Variants in STK33 observed in about 807,000 individuals in gnomAD.
The protein encoded by STK33 is serine/threonine kinase 33.
In STK33, 52 loss-of-function variants were observed where a neutral mutation model predicts 58.0. That is an observed-to-expected ratio of 0.90 (90% CI 0.72 to 1.13). The LOEUF is 1.13. STK33 is among the 50% of genes most tolerant of loss of function. The pLI is 0.00. For missense variants in STK33, 630 were observed against 604.2 expected, an observed-to-expected ratio of 1.04 and a Z score of -0.45; for synonymous variants, 215 against 200.1, an observed-to-expected ratio of 1.07 and a Z score of -0.63.
chr11:8,464,945 T>A, intron 6 of STK33, 123 bp from the exon 7 acceptor site: 1 of 587,488 alleles, frequency 1.7e-6, no homozygotes, highest in Non-Finnish European at 2.9e-6. Context: ...TAAAATCAAA[T>A]AGAAGACACT....
chr11:8,441,949 G>A (rs990459578), intron 11 of STK33, among the ~76,000 whole-genome samples: 8 of 151,840 alleles, frequency 5.3e-5, no homozygotes, highest in Non-Finnish European at 1.0e-4. Context: ...ATGTTACACA[G>A]CTGCAGAGTG....
chr11:8,408,395 C>T (rs1233983822), intron 15 of STK33, among the ~76,000 whole-genome samples: 2 of 152,122 alleles, frequency 1.3e-5, no homozygotes, highest in Admixed American at 1.3e-4. Flanking sequence ...ACTAATACAT[C>T]TTTGCAAAAA....
intron 14 of STK33, among the ~76,000 whole-genome samples, chr11:8,429,172 C>A (rs1564933117): frequency 6.6e-6 from 1 of 151,976 alleles, no homozygotes; most frequent in Non-Finnish European, 1.5e-5. Context: ...GATGGATGTC[C>A]CATATGGGTA....
At position 8,392,254 on chromosome 11, in the gene STK33, G is replaced by C; in HGVS notation, c.*256C>G. 1 of 494,104 alleles carries C rather than the reference G, an allele frequency of 2.0e-6. No homozygotes were observed. Among genetic ancestry groups the C allele is most frequent in the Middle Eastern group, 5.3e-4 (1 of 1,878 alleles). 30.6% of individuals were successfully genotyped at this position (494,104 alleles called of 1,614,324 possible). ...GTATCTGCCCCCCTAAAAAACCTTC[G>C]TGTACATCTTGAGTTGATTTCCACT... On this transcript the variant is annotated 3_prime_UTR_variant, in exon 16 of 16. Transcript: ENST00000687296.
intron 1 of STK33, among the ~76,000 whole-genome samples, chr11:8,501,016 A>G (rs1951475277): frequency 6.6e-6 from 1 of 152,168 alleles, no homozygotes; most frequent in African/African-American, 2.4e-5. Context: ...ATGTAGACCC[A>G]TATCTCACAC....
At position 8,402,147 on chromosome 11, in the gene STK33, C is replaced by T. The variant is rs1455467809; in HGVS notation, c.1345-9437G>A. 4.6e-5 allele frequency among the ~76,000 whole-genome samples: 7 copies of T among 152,268 alleles called. No individual in the cohort carries two copies. The East Asian group carries it at 1.3e-3, about 29-fold the overall frequency. On this transcript the variant is annotated intron_variant, in intron 15 of 15. Transcript: ENST00000687296. ...ACCCAAAGGATTATAAATCATGCTG[C>T]TATAAAGACACATGCACACGTATGT... is the stretch of plus-strand genomic sequence containing the variant.
intron 15 of STK33, among the ~76,000 whole-genome samples, chr11:8,398,126 C>T (rs1849701969): frequency 6.6e-6 from 1 of 152,064 alleles, no homozygotes; most frequent in African/African-American, 2.4e-5. Flanking sequence ...CAAAGATACT[C>T]CTCGAGAAGA....
intron 14 of STK33, among the ~76,000 whole-genome samples, chr11:8,426,873 T>TAA (rs1942836508): frequency 6.6e-6 from 1 of 152,204 alleles, no homozygotes; most frequent in Non-Finnish European, 1.5e-5. Context: ...CTTCCTACTT[T>TAA]AAAAATCTGA....
intron 14 of STK33, among the ~76,000 whole-genome samples, chr11:8,423,268 C>T (rs1309621229): frequency 6.6e-6 from 1 of 151,180 alleles, no homozygotes; most frequent in Non-Finnish European, 1.5e-5. Context: ...GATTTTCGCT[C>T]TTAGTTTGAT....
intron 13 of STK33, among the ~76,000 whole-genome samples, 183 bp downstream of exon 13, chr11:8,435,844 G>A (rs11041922): frequency 0.06 from 9,091 of 152,134 alleles, 503 homozygotes; most frequent in African/African-American, 0.15. Flanking sequence ...TGTATTTTCC[G>A]TTTTTGAAAG....
chr11:8,435,231 C>G (rs1943919861), intron 14 of STK33, among the ~76,000 whole-genome samples: 1 of 152,136 alleles, frequency 6.6e-6, no homozygotes, highest in Non-Finnish European at 1.5e-5. Flanking sequence ...TTTTTCAGCT[C>G]TGTTCTATTG....
At chr11:8,513,550 C>T (rs542553512) in intron 1 of STK33, among the ~76,000 whole-genome samples, 236 of 152,300 alleles carry the variant, frequency 1.5e-3, no homozygotes, top group African/African-American at 5.1e-3. Context: ...CTCTACACTG[C>T]TCGTAGATCC....
At chr11:8,548,283 T>C (rs1956081271) in intron 1 of STK33, among the ~76,000 whole-genome samples, 1 of 152,234 alleles carries the variant, frequency 6.6e-6, no homozygotes, top group African/African-American at 2.4e-5. Flanking sequence ...TTTGTTTTTG[T>C]ATATGGTGAG....
At chr11:8,583,144 C>T (rs1427793318) in intron 1 of STK33, among the ~76,000 whole-genome samples, 1 of 152,192 alleles carries the variant, frequency 6.6e-6, no homozygotes, top group African/African-American at 2.4e-5. Flanking sequence ...CTTACAGATA[C>T]GTCTAGTCCT....
At chr11:8,423,193 T>C (rs1000181699) in intron 14 of STK33, among the ~76,000 whole-genome samples, 1 of 151,654 alleles carries the variant, frequency 6.6e-6, no homozygotes, top group Admixed American at 6.6e-5. Context: ...TTTTGTTTTT[T>C]TTTCAAAGAA....
At chr11:8,450,879 T>C (rs1255293538) in intron 11 of STK33, among the ~76,000 whole-genome samples, 6 of 152,182 alleles carry the variant, frequency 3.9e-5, no homozygotes, top group Admixed American at 6.6e-5. Flanking sequence ...ATTATCTCAA[T>C]AGGTACAGAT....
chr11:8,381,030 C>A, the STK33 span, among the ~76,000 whole-genome samples: 1 of 152,072 alleles, frequency 6.6e-6, no homozygotes, highest in Non-Finnish European at 1.5e-5. Context: ...AATCAAATAC[C>A]CTATGTCCTC....
At chr11:8,376,542 CT>C in the STK33 span, among the ~76,000 whole-genome samples, 1 of 151,540 alleles carries the variant, frequency 6.6e-6, no homozygotes, top group Non-Finnish European at 1.5e-5. Flanking sequence ...GGCTTTGATT[CT>C]TTTTTCTTTT....
downstream of STK33, among the ~76,000 whole-genome samples, chr11:8,387,020 A>C (rs1848553250): frequency 6.6e-6 from 1 of 152,224 alleles, no homozygotes; most frequent in Non-Finnish European, 1.5e-5. Context: ...ACATATTCAA[A>C]GGCTTCTAAA....
Sources: gnomAD v4.1 joint callset for allele counts (sites outside exome capture counted in the v4.1 genomes callset) on GRCh38, gnomAD v4.1.1 for gene constraint, MANE v1.5 for transcripts, NCBI Gene and HGNC (gene_info 2026-07-23, HGNC 2026-07-21) for gene names.